Variants in ATG4A observed in about 807,000 individuals in gnomAD.
ATG4A encodes the protein cysteine protease ATG4A.
In ATG4A, 22 loss-of-function variants were observed where a neutral mutation model predicts 38.4. The ratio of observed to expected loss-of-function variants is 0.57; its 90% CI spans 0.41 to 0.82. ATG4A has a LOEUF of 0.82. ATG4A is among the 40% of genes least tolerant of loss of function. The probability of loss-of-function intolerance (pLI) is 0.00; values close to 1 mark genes in which losing one functional copy is unlikely to be tolerated. For missense variants in ATG4A, 220 were observed against 290.0 expected (o/e 0.76, Z 1.75); for synonymous variants, 86 against 100.7 (o/e 0.85, Z 0.88).
At chrX:108,135,823 C>T (rs377759042) in intron 6 of ATG4A, among the ~76,000 whole-genome samples, 1 of 107,438 alleles carries the variant, frequency 9.3e-6, no homozygotes, top group Admixed American at 9.9e-5. Flanking sequence ...CTCACTCTGT[C>T]GCCCAGGCTG....
At chrX:108,144,606 G>A (rs1247761893) in intron 9 of ATG4A, among the ~76,000 whole-genome samples, 1 of 112,046 alleles carries the variant, frequency 8.9e-6, no homozygotes, top group African/African-American at 3.2e-5. Context: ...GAAAGAGGCT[G>A]AGTGGTATCC....
chrX:108,095,711 C>CTT (rs556952760), intron 1 of ATG4A, among the ~76,000 whole-genome samples: 3 of 82,372 alleles, frequency 3.6e-5, no homozygotes, highest in Admixed American at 1.2e-4. Flanking sequence ...TCTTTTCTTT[C>CTT]TTTTTTTTTT....
intron 1 of ATG4A, among the ~76,000 whole-genome samples, chrX:108,107,966 T>C (rs999950227): frequency 9.0e-6 from 1 of 111,001 alleles, no homozygotes; most frequent in Non-Finnish European, 1.9e-5. Context: ...GATGTGTGAC[T>C]ATTTAAAACC....
At position 108,128,723 on chromosome X, in the gene ATG4A, G is replaced by A. The variant is rs942927656; in HGVS notation, c.122-58G>A. On this transcript the variant is annotated intron_variant, in intron 2 of 12. Transcript: ENST00000372232. Reference sequence around the variant, plus strand: ...AATTAAGTTAGTAGCTGGCTCAGAAGTAAAGGTGGGTATTTTTAGATATGG... The same window carrying A: ...AATTAAGTTAGTAGCTGGCTCAGAAATAAAGGTGGGTATTTTTAGATATGG... The A allele has an allele frequency of 6.2e-6, 5 of 801,460 alleles. No individual in the cohort carries two copies. In the African/African-American group the frequency reaches 1.1e-4, roughly 17 times the overall value. The allele number at this position is 801,460 out of a possible 1,213,427, so 66.0% of individuals were successfully genotyped here.
chrX:108,148,854 A>G (rs1308262703), intron 9 of ATG4A, among the ~76,000 whole-genome samples: 2 of 111,937 alleles, frequency 1.8e-5, no homozygotes, highest in South Asian at 3.7e-4. Context: ...TGATTTCTAT[A>G]TACTCTTAAA....
At position 108,137,831 on chromosome X, in the gene ATG4A, GT is replaced by G. The variant is rs1418783127; in HGVS notation, c.576del (p.Ser192ArgfsTer13). ...IKKMCRVLPL[S>X]ADTAGDRPPD... ...AAAATGTGCCGTGTCCTTCCCTTGAGTGCTGACACAGCTGGTGACAGGCCTC... is the reference window on the plus strand; with the variant it reads ...AAAATGTGCCGTGTCCTTCCCTTGAGGCTGACACAGCTGGTGACAGGCCTC... On this transcript the variant is annotated frameshift_variant, in exon 8 of 13. Coordinates refer to ENST00000372232, the MANE Select transcript of ATG4A (RefSeq NM_052936.5). LOFTEE classifies it high-confidence loss of function. 6.8e-6 allele frequency: 8 copies of G among 1,177,227 alleles called. No individual in the cohort carries two copies. Among genetic ancestry groups the G allele is most frequent in the Non-Finnish European group, 9.1e-6 (8 of 881,757 alleles).
Position 108,108,286 on chromosome X carries a change from G to C in ATG4A, c.10+16450G>C, listed in dbSNP as rs761332819. ...ACTGCCATATTGTTACTTGGGTCTT[G>C]AGATTCCTAGCCACCAGGAATAGAA... On this transcript the variant is annotated intron_variant, in intron 1 of 12. Transcript: ENST00000372232. 4.4e-3 allele frequency among the ~76,000 whole-genome samples: 461 copies of C among 104,656 alleles called. 3 individuals are homozygous for C. The highest frequency in any genetic ancestry group is 0.015 in the African/African-American group (431 of 28,488). The allele number at this position is 104,656 out of a possible 115,157, so 90.9% of individuals were successfully genotyped here.
intron 1 of ATG4A, among the ~76,000 whole-genome samples, chrX:108,094,835 G>C (rs1359220359): frequency 8.9e-6 from 1 of 112,731 alleles, no homozygotes; most frequent in Non-Finnish European, 1.9e-5. Context: ...TTGGAATATG[G>C]AATATCCTTT....
chrX:108,095,194 T>C (rs982103086), intron 1 of ATG4A, among the ~76,000 whole-genome samples: 2 of 111,792 alleles, frequency 1.8e-5, no homozygotes, highest in African/African-American at 6.5e-5. Context: ...CCCAAAGTGC[T>C]GGGATTACAG....
chrX:108,109,819 C>T (rs1464057258), intron 1 of ATG4A, among the ~76,000 whole-genome samples: 2 of 111,476 alleles, frequency 1.8e-5, no homozygotes, highest in Non-Finnish European at 3.8e-5. Context: ...TATTCTATTT[C>T]CTTGAGCTAT....
intron 7 of ATG4A, 116 bp downstream of exon 7, chrX:108,137,286 CT>C (rs752772868): frequency 8.6e-6 from 5 of 582,072 alleles, no homozygotes; most frequent in Non-Finnish European, 1.3e-5. Context: ...GGCAGGGGAG[CT>C]TAGGGGAGCA....
Position 108,116,512 on chromosome X carries a change from A to C in ATG4A, c.11-9565A>C, listed in dbSNP as rs184351543. ...AACCTCCATCCTCCTCAACAGAGAGAATCACTTCCGGTCTTTGTTTTTTTT... is the reference window on the plus strand; with the variant it reads ...AACCTCCATCCTCCTCAACAGAGAGCATCACTTCCGGTCTTTGTTTTTTTT... On this transcript the variant is annotated intron_variant, in intron 1 of 12. Coordinates refer to ENST00000372232, the MANE Select transcript of ATG4A (RefSeq NM_052936.5). Among the ~76,000 whole-genome samples the C allele has an allele frequency of 4.4e-3, 488 of 111,842 alleles. 11 individuals carry two copies. Among genetic ancestry groups the C allele is most frequent in the Admixed American group, 0.042 (447 of 10,589 alleles).
intron 3 of ATG4A, among the ~76,000 whole-genome samples, chrX:108,129,136 G>GA: frequency 8.9e-6 from 1 of 112,562 alleles, no homozygotes; most frequent in East Asian, 2.8e-4. Flanking sequence ...GATTAAGGGG[G>GA]AAAATCACAT....
chrX:108,142,579 A>G (rs766256162), intron 9 of ATG4A, among the ~76,000 whole-genome samples: 11 of 110,893 alleles, frequency 9.9e-5, no homozygotes, highest in African/African-American at 2.0e-4. Flanking sequence ...ACAAAGTCCC[A>G]CAATAGGCCA....
intron 9 of ATG4A, among the ~76,000 whole-genome samples, chrX:108,140,767 A>C (rs1054980274): frequency 9.9e-6 from 1 of 100,512 alleles, no homozygotes; most frequent in Admixed American, 1.2e-4. Flanking sequence ...AAATGTATAT[A>C]TAAAATAATA....
At chrX:108,091,432 T>C (rs1388703561), upstream of ATG4A, 2 of 1,211,101 alleles carry the variant, frequency 1.7e-6, no homozygotes, top group African/African-American at 3.5e-5. Context: ...AGCCAGGGAT[T>C]TATCGGCCAG....
At chrX:108,094,440 C>A (rs916548260) in intron 1 of ATG4A, among the ~76,000 whole-genome samples, 3 of 110,740 alleles carry the variant, frequency 2.7e-5, no homozygotes, top group African/African-American at 9.9e-5. Context: ...ACTAGTTTAT[C>A]TCTAGAGATG....
chrX:108,090,354 G>C (rs807181), upstream of ATG4A, among the ~76,000 whole-genome samples: 55,125 of 110,563 alleles, frequency 0.5, 10,764 homozygotes, highest in African/African-American at 0.68. Context: ...GTCTCTTGAT[G>C]CTGAATAGTT....
chrX:108,114,006 T>C (rs1180780257), intron 1 of ATG4A, among the ~76,000 whole-genome samples: 1 of 112,047 alleles, frequency 8.9e-6, no homozygotes, highest in Non-Finnish European at 1.9e-5. Flanking sequence ...CTAAAAGTTG[T>C]AATTGCGAAA....
Sources: allele counts gnomAD v4.1 joint callset (sites outside exome capture counted in the v4.1 genomes callset), GRCh38; gene constraint gnomAD v4.1.1; transcripts MANE v1.5; gene names NCBI Gene and HGNC (gene_info 2026-07-23, HGNC 2026-07-21).